The following HIPK2 variants were observed in gnomAD, a reference collection of about 807,000 sequenced individuals.
HIPK2 encodes homeodomain interacting protein kinase 2.
A neutral mutation model predicts 113.7 loss-of-function variants in HIPK2; 27 were observed. The observed-to-expected ratio is 0.24, with a 90% confidence interval of 0.17 to 0.33. The LOEUF (loss-of-function observed/expected upper bound fraction) is 0.33. HIPK2 is among the 10% of genes least tolerant of loss of function. HIPK2 has a pLI of 1.00. For synonymous variants in HIPK2, 631 were observed against 642.2 expected (o/e 0.98, Z 0.26); for missense variants, 1,257 against 1,588.0 (o/e 0.79, Z 3.54).
At chr7:139,729,323 CTGAGAG>C (rs1795692505) in intron 1 of HIPK2, among the ~76,000 whole-genome samples, 1 of 101,964 alleles carries the variant, frequency 9.8e-6, no homozygotes, top group Non-Finnish European at 2.0e-5. Context: ...GACCCTGTCT[CTGAGAG>C]AGAGAGAGAG....
chr7:139,754,555 G>A (rs138539792), intron 1 of HIPK2, among the ~76,000 whole-genome samples: 11 of 152,208 alleles, frequency 7.2e-5, no homozygotes, highest in African/African-American at 2.4e-4. Context: ...CTAAGTGTGT[G>A]AGAGAGACAG....
At chr7:139,655,630 C>A (rs182537118) in intron 2 of HIPK2, among the ~76,000 whole-genome samples, 1 of 152,338 alleles carries the variant, frequency 6.6e-6, no homozygotes, top group African/African-American at 2.4e-5. Context: ...CTGCTCCCTG[C>A]CCTGCACTGA....
chr7:139,596,816 T>A lies in HIPK2; in HGVS notation c.2618A>T (p.Gln873Leu), dbSNP rs776908150. 1.9e-6 allele frequency: 3 copies of A among 1,613,844 alleles called. No homozygotes were observed. Among genetic ancestry groups the A allele is most frequent in the African/African-American group, 2.7e-5 (2 of 74,922 alleles). Reference protein sequence around the residue: ...ASSTTRERQRQTIVIPDTPSP... With the variant: ...ASSTTRERQRLTIVIPDTPSP... ...GGGAGTGTCGGGAATGACAATTGTC[T>A]GCCGCTGCCGTTCCCGGGTGGTGCT... Residue 873 changes from glutamine to leucine, a missense_variant, in exon 12 of 15, where the codon CAG (glutamine) becomes CTG (leucine). Physicochemically the swap from Gln to Leu is moderately radical, Grantham distance 113. Coordinates refer to ENST00000406875, the MANE Select transcript of HIPK2 (RefSeq NM_022740.5).
chr7:139,706,144 T>C (rs1217141297), intron 2 of HIPK2, among the ~76,000 whole-genome samples: 1 of 152,222 alleles, frequency 6.6e-6, no homozygotes, highest in Non-Finnish European at 1.5e-5. Context: ...GAAGGTATAA[T>C]GGGACAAGAC....
At position 139,631,112 on chromosome 7, in the gene HIPK2, C is replaced by T. The variant is rs1800597751; in HGVS notation, c.1347+53G>A. The stretch of plus-strand genomic sequence containing the variant: ...GCTCCCCACTAATGGGTCTACGGCC[C>T]TCTTCCCTAAGCGCTGGGCCACTGT... On this transcript the variant is annotated intron_variant, in intron 4 of 14. Transcript: ENST00000406875. The surrounding 1 kb of genome is among the most constrained non-coding windows in gnomAD (Gnocchi z 4.9). 5 of 1,567,430 alleles carry T rather than the reference C, an allele frequency of 3.2e-6. No individual in the cohort carries two copies. Among genetic ancestry groups the T allele is most frequent in the South Asian group, 1.2e-5 (1 of 85,428 alleles).
At chr7:139,581,203 C>T (rs916339930) in intron 13 of HIPK2, among the ~76,000 whole-genome samples, 3 of 152,068 alleles carry the variant, frequency 2.0e-5, no homozygotes, top group Non-Finnish European at 1.5e-5. Flanking sequence ...CTGGGTGACA[C>T]AGCGAGACTC....
At chr7:139,600,226 G>A (rs971946406) in intron 11 of HIPK2, among the ~76,000 whole-genome samples, 191 bp downstream of exon 11, 3 of 152,226 alleles carry the variant, frequency 2.0e-5, no homozygotes, top group African/African-American at 7.2e-5. Flanking sequence ...CTTAAACCAA[G>A]TGCTTCCTGC....
At chr7:139,745,846 C>T (rs1225148706) in intron 1 of HIPK2, among the ~76,000 whole-genome samples, 1 of 152,192 alleles carries the variant, frequency 6.6e-6, no homozygotes, top group East Asian at 1.9e-4. Flanking sequence ...TAAATGTTTA[C>T]TGAATTGAGA....
In HIPK2 at chr7:139,604,234, C is replaced by G. The variant is rs1799538563; in HGVS notation, c.2113-11G>C. ...ACTTGGCCAAGCCTGCTGTAGAACA[C>G]AGGACATGTGCAATGACCATGTTTG... is the stretch of plus-strand genomic sequence containing the variant. On this transcript the variant is annotated splice_polypyrimidine_tract_variant and intron_variant, in intron 9 of 14. Coordinates refer to ENST00000406875, the MANE Select transcript of HIPK2 (RefSeq NM_022740.5). 3.7e-6 allele frequency: 6 copies of G among 1,603,170 alleles called. No individual in the cohort carries two copies. The East Asian group carries it at 1.3e-4, about 36-fold the overall frequency.
At chr7:139,651,215 T>C (rs1801446748) in intron 2 of HIPK2, among the ~76,000 whole-genome samples, 1 of 151,932 alleles carries the variant, frequency 6.6e-6, no homozygotes, top group African/African-American at 2.4e-5. Flanking sequence ...TCTAAAAAGG[T>C]AGGAGGCACA....
chr7:139,750,620 G>A (rs957192368), intron 1 of HIPK2, among the ~76,000 whole-genome samples: 1 of 152,214 alleles, frequency 6.6e-6, no homozygotes, highest in Non-Finnish European at 1.5e-5. Context: ...ATAAGAAGAA[G>A]TACTCAGACC....
chr7:139,689,960 G>GT (rs752719026), intron 2 of HIPK2, among the ~76,000 whole-genome samples: 1 of 151,888 alleles, frequency 6.6e-6, no homozygotes, highest in Non-Finnish European at 1.5e-5. Flanking sequence ...ACCATCCACA[G>GT]TGAGAGCTCA....
Position 139,563,925 on chromosome 7 carries a change from ACT to A in HIPK2, c.*9000_*9001del, listed in dbSNP as rs1249805544. ...AAGAGAAAACATAAAAGAAACCAAG[ACT>A]CAGGGAAACTGCCATTCCCCCAGTC... is the stretch of plus-strand genomic sequence containing the variant. On this transcript the variant is annotated 3_prime_UTR_variant, in exon 15 of 15. Transcript: ENST00000406875. 2 of 398,400 alleles carry A rather than the reference ACT, an allele frequency of 5.0e-6. No homozygotes were observed. Among genetic ancestry groups the A allele is most frequent in the Non-Finnish European group, 4.4e-6 (1 of 226,050 alleles). 24.7% of individuals were successfully genotyped at this position (398,400 alleles called of 1,614,324 possible).
intron 1 of HIPK2, among the ~76,000 whole-genome samples, chr7:139,774,521 T>C (rs1569486761): frequency 6.6e-6 from 1 of 152,258 alleles, no homozygotes; most frequent in Non-Finnish European, 1.5e-5. Flanking sequence ...CAAACTCTGC[T>C]AACCCAAGAT....
At chr7:139,722,783 G>A (rs1261150641) in intron 1 of HIPK2, among the ~76,000 whole-genome samples, 1 of 151,964 alleles carries the variant, frequency 6.6e-6, no homozygotes, top group East Asian at 1.9e-4. Context: ...TGAAAACTGG[G>A]AAGTCATGTG....
At chr7:139,729,238 T>A (rs1795689180) in intron 1 of HIPK2, among the ~76,000 whole-genome samples, 1 of 151,198 alleles carries the variant, frequency 6.6e-6, no homozygotes, top group African/African-American at 2.4e-5. Flanking sequence ...GGTGGGAGGA[T>A]CACTTGAAGC....
rs1339926074 is a variant in HIPK2, at chr7:139,569,692, G to T, written c.*3235C>A. On this transcript the variant is annotated 3_prime_UTR_variant, in exon 15 of 15. Coordinates refer to ENST00000406875, the MANE Select transcript of HIPK2 (RefSeq NM_022740.5). ...TGGTGGATCTTTCTTGACGTCTCTT[G>T]TTGGGATAGAGATGACAGAAACAAT... The T allele has an allele frequency of 1.3e-5, 2 of 151,610 alleles. No homozygotes were observed. The highest frequency in any genetic ancestry group is 4.8e-5 in the African/African-American group (2 of 41,276). 9.4% of individuals were successfully genotyped at this position (151,610 alleles called of 1,614,324 possible).
chr7:139,572,720 C>A lies in HIPK2; in HGVS notation c.*207G>T. On this transcript the variant is annotated 3_prime_UTR_variant, in exon 15 of 15. Coordinates refer to ENST00000406875, the MANE Select transcript of HIPK2 (RefSeq NM_022740.5). Reference sequence around the variant, plus strand: ...CTCTGCTCTACGTCCTCCCACTTCCCGGTTCAAGTTTCACTGGTGTCCCGA... The same window carrying A: ...CTCTGCTCTACGTCCTCCCACTTCCAGGTTCAAGTTTCACTGGTGTCCCGA... The A allele has an allele frequency of 2.0e-6, 1 of 500,392 alleles. No homozygotes were observed. Among genetic ancestry groups the A allele is most frequent in the Non-Finnish European group, 3.5e-6 (1 of 286,976 alleles). The allele number at this position is 500,392 out of a possible 1,614,324, so 31.0% of individuals were successfully genotyped here.
chr7:139,644,801 C>T (rs560734719), intron 2 of HIPK2, among the ~76,000 whole-genome samples: 4 of 152,306 alleles, frequency 2.6e-5, no homozygotes, highest in South Asian at 2.1e-4. Context: ...TGTGGATCAA[C>T]TGCAGATGTG....
Sources: allele counts gnomAD v4.1 joint callset (sites outside exome capture counted in the v4.1 genomes callset), GRCh38; gene constraint gnomAD v4.1.1; non-coding constraint Gnocchi (gnomAD v3.1); transcripts MANE v1.5; gene names NCBI Gene and HGNC (gene_info 2026-07-23, HGNC 2026-07-21).